Variants in HHAT observed in about 807,000 individuals in gnomAD.
HHAT encodes the protein protein-cysteine N-palmitoyltransferase HHAT.
A neutral mutation model predicts 70.8 loss-of-function variants in HHAT; 47 were observed. That is an observed-to-expected ratio of 0.66 (90% CI 0.53 to 0.85). The LOEUF is 0.85. Among genes scored for constraint, HHAT ranks in the 40% least tolerant of loss-of-function variants. HHAT has a pLI of 0.00. For missense variants in HHAT, 609 were observed against 604.8 expected (o/e 1.01, Z -0.07); for synonymous variants, 228 against 247.6 (o/e 0.92, Z 0.74).
intron 6 of HHAT, among the ~76,000 whole-genome samples, chr1:210,406,320 A>G (rs900380338): frequency 2.0e-5 from 3 of 152,168 alleles, no homozygotes; most frequent in African/African-American, 7.2e-5. Flanking sequence ...TTCCTCCTGT[A>G]TATAAGCTTT....
intron 3 of HHAT, among the ~76,000 whole-genome samples, chr1:210,373,768 T>C (rs563449165): frequency 2.0e-5 from 3 of 152,306 alleles, no homozygotes; most frequent in South Asian, 4.1e-4. Flanking sequence ...GCATTGAATT[T>C]GTTACTAGGT....
intron 11 of HHAT, among the ~76,000 whole-genome samples, chr1:210,634,886 G>A (rs551965118): frequency 6.6e-6 from 1 of 152,340 alleles, no homozygotes; most frequent in South Asian, 2.1e-4. Context: ...AAGCATCTCA[G>A]CTTATCTGAG....
rs143006901 is a variant in HHAT at position 210,541,895 on chromosome 1, T to C, written c.1043+28707T>C. ...TCTGCCCAGTGCCCCAGGCCGACAA[T>C]GTGAGTGTGGCCTCTCCCTTGGAGA... On this transcript the variant is annotated intron_variant, in intron 9 of 11. Transcript: ENST00000261458. 4.1e-3 allele frequency among the ~76,000 whole-genome samples: 620 copies of C among 152,306 alleles called. 3 individuals are homozygous for C. Among genetic ancestry groups the C allele is most frequent in the African/African-American group, 0.013 (528 of 41,576 alleles).
intron 9 of HHAT, among the ~76,000 whole-genome samples, chr1:210,526,198 C>T (rs1402834918): frequency 6.6e-6 from 1 of 152,040 alleles, no homozygotes; most frequent in African/African-American, 2.4e-5. Flanking sequence ...GACGGGGAGC[C>T]CCTTTCCCTG....
chr1:210,607,779 C>T lies in HHAT; in HGVS notation c.1246-15747C>T, dbSNP rs553148043. Among the ~76,000 whole-genome samples, 398 of 151,712 alleles carry T rather than the reference C, an allele frequency of 2.6e-3. 1 individual carries two copies. The highest frequency in any genetic ancestry group is 2.9e-3 in the Non-Finnish European group (196 of 67,936). On this transcript the variant is annotated intron_variant, in intron 10 of 11. Transcript: ENST00000261458. ...CTTTTTAACTTAATGAAGTCATTCA[C>T]GACCATATGCCTTAAAAAAAATAGA...
intron 9 of HHAT, among the ~76,000 whole-genome samples, chr1:210,546,374 G>A (rs755117620): frequency 6.6e-6 from 1 of 152,230 alleles, no homozygotes; most frequent in Non-Finnish European, 1.5e-5. Context: ...CGTGATCCAG[G>A]GGCTGGACTT....
At chr1:210,478,296 C>T (rs1446196261) in intron 8 of HHAT, among the ~76,000 whole-genome samples, 2 of 152,152 alleles carry the variant, frequency 1.3e-5, no homozygotes, top group African/African-American at 2.4e-5. Flanking sequence ...GATCATTTGC[C>T]AATATTTGCC....
chr1:210,457,071 A>G (rs1487021396), intron 7 of HHAT, among the ~76,000 whole-genome samples: 1 of 152,116 alleles, frequency 6.6e-6, no homozygotes, highest in Non-Finnish European at 1.5e-5. Context: ...CTGTGGGGCA[A>G]TAGCTACCTT....
chr1:210,534,571 G>A (rs957754262), intron 9 of HHAT, among the ~76,000 whole-genome samples: 5 of 152,158 alleles, frequency 3.3e-5, no homozygotes, highest in Admixed American at 6.5e-5. Context: ...ATAATGAGAT[G>A]TCTAGGGGAT....
intron 7 of HHAT, among the ~76,000 whole-genome samples, chr1:210,421,252 A>G (rs1008058053): frequency 1.3e-5 from 2 of 152,162 alleles, no homozygotes; most frequent in African/African-American, 4.8e-5. Context: ...AAGCTGTAGT[A>G]ACCAAAACAT....
At chr1:210,540,071 T>C (rs2095412872) in intron 9 of HHAT, among the ~76,000 whole-genome samples, 1 of 152,180 alleles carries the variant, frequency 6.6e-6, no homozygotes, top group African/African-American at 2.4e-5. Context: ...CTGCCTAAAG[T>C]CCTGAGGAGA....
chr1:210,652,376 G>A (rs78496111), intron 11 of HHAT, among the ~76,000 whole-genome samples: 16,169 of 152,232 alleles, frequency 0.11, 940 homozygotes, highest in Middle Eastern at 0.17. Context: ...CCAGTAGTAA[G>A]GAAGTTGGTT....
At chr1:210,376,385 CA>C (rs1339162095) in intron 3 of HHAT, among the ~76,000 whole-genome samples, 2 of 152,070 alleles carry the variant, frequency 1.3e-5, no homozygotes, top group Non-Finnish European at 2.9e-5. Flanking sequence ...ATGTTACATC[CA>C]AGGGTTTTAG....
chr1:210,329,335 G>A, intron 1 of HHAT: 2 of 1,209,114 alleles, frequency 1.7e-6, no homozygotes, highest in African/African-American at 1.6e-5. Context: ...CTAGGCGCCG[G>A]GACAAGTCCG....
At chr1:210,438,741 T>C (rs886104138) in intron 7 of HHAT, among the ~76,000 whole-genome samples, 3 of 151,910 alleles carry the variant, frequency 2.0e-5, no homozygotes, top group Admixed American at 6.5e-5. Flanking sequence ...GCCAGTTATA[T>C]AATGACAATA....
chr1:210,426,704 G>A (rs1391154429), intron 7 of HHAT, among the ~76,000 whole-genome samples: 1 of 152,132 alleles, frequency 6.6e-6, no homozygotes, highest in Non-Finnish European at 1.5e-5. Context: ...ACTTGATTGT[G>A]GTGGATAAGC....
At chr1:210,645,580 T>C (rs1283669191) in intron 11 of HHAT, among the ~76,000 whole-genome samples, 2 of 152,370 alleles carry the variant, frequency 1.3e-5, no homozygotes, top group African/African-American at 4.8e-5. Context: ...GATATACCTG[T>C]GCAGTTGCTG....
Position 210,393,534 on chromosome 1 carries a change from A to G in HHAT, c.273+5953A>G, listed in dbSNP as rs987947639. 3.5e-5 allele frequency among the ~76,000 whole-genome samples: 5 copies of G among 144,002 alleles called. No homozygotes were observed. The South Asian group carries it at 1.1e-3, about 32-fold the overall frequency. The allele number at this position is 144,002 out of a possible 152,430, so 94.5% of individuals were successfully genotyped here. A position where few individuals can be genotyped will look rare whatever the true frequency, so the allele number is the denominator to read the frequency against. Reference sequence around the variant, plus strand: ...TACTATGGGAGAAGGTGTAGGTCTCACCTGCCGTTCTGGTCTCAGAGCAGG... The same window carrying G: ...TACTATGGGAGAAGGTGTAGGTCTCGCCTGCCGTTCTGGTCTCAGAGCAGG... On this transcript the variant is annotated intron_variant, in intron 4 of 11. Transcript: ENST00000261458.
At chr1:210,548,435 G>T (rs1347159419) in intron 9 of HHAT, among the ~76,000 whole-genome samples, 1 of 151,854 alleles carries the variant, frequency 6.6e-6, no homozygotes, top group Non-Finnish European at 1.5e-5. Flanking sequence ...TTGTTTGAAT[G>T]AATTAATGAA....
Sources: gnomAD v4.1 joint callset for allele counts (sites outside exome capture counted in the v4.1 genomes callset) on GRCh38, gnomAD v4.1.1 for gene constraint, MANE v1.5 for transcripts, NCBI Gene and HGNC (gene_info 2026-07-23, HGNC 2026-07-21) for gene names.